The following DIPK1C variants were observed in gnomAD, a reference collection of about 807,000 sequenced individuals.
DIPK1C encodes the protein familial non-conventional Alzheimer's dementia.
DIPK1C carries 33 observed loss-of-function variants against 28.0 expected under a neutral mutation model. That is an observed-to-expected ratio of 1.18 (90% CI 0.89 to 1.58). The LOEUF is 1.58. Among genes scored for constraint, DIPK1C ranks in the 40% most tolerant of loss-of-function variants. DIPK1C has a pLI of 0.00. For synonymous variants in DIPK1C, 255 were observed against 248.8 expected (o/e 1.02, Z -0.23); for missense variants, 569 against 568.5 (o/e 1.00, Z -0.01).
chr18:74,436,576 T>A lies in DIPK1C; in HGVS notation c.1185A>T (p.Ala395=). The change falls in exon 4 of 4, where the codon GCA becomes GCT. Residue 395 remains alanine, a synonymous_variant. Coordinates refer to ENST00000343998, the MANE Select transcript of DIPK1C (RefSeq NM_001044369.3). ...GAAGCTTCCAGAACACGCTGGAGGCTGCTCTCCGGGTGTTCCCACTGGGGA... is the reference window on the plus strand; with the variant it reads ...GAAGCTTCCAGAACACGCTGGAGGCAGCTCTCCGGGTGTTCCCACTGGGGA... ...PGVPSGNTRR[A]ASSVFWKLRQ... 6.2e-7 allele frequency: 1 copy of A among 1,611,944 alleles called. No individual in the cohort carries two copies. The highest frequency in any genetic ancestry group is 8.5e-7 in the Non-Finnish European group (1 of 1,179,688).
Position 74,455,749 on chromosome 18 carries a change from A to G in DIPK1C, c.198+1313T>C, listed in dbSNP as rs564316525. On this transcript the variant is annotated intron_variant, in intron 1 of 3. Coordinates refer to ENST00000343998, the MANE Select transcript of DIPK1C (RefSeq NM_001044369.3). ...ATAAAAAAAAAAGAAAAAGAAAAAG[A>G]AAAAAAAAACCAAACCAACAACAAC... Among the ~76,000 whole-genome samples the G allele has an allele frequency of 6.1e-5, 9 of 147,672 alleles. 2 individuals carry two copies. In the South Asian group the frequency reaches 1.9e-3, roughly 31 times the overall value.
In DIPK1C at chr18:74,455,733, AAAG is replaced by A. The variant is rs1266046803; in HGVS notation, c.198+1326_198+1328del. Reference sequence around the variant, plus strand: ...ACAAGAGCAAAACTCCATAAAAAAAAAAGAAAAAGAAAAAGAAAAAAAAAACCA... The same window carrying A: ...ACAAGAGCAAAACTCCATAAAAAAAAAAAAAGAAAAAGAAAAAAAAAACCA... On this transcript the variant is annotated intron_variant, in intron 1 of 3. Transcript: ENST00000343998. Among the ~76,000 whole-genome samples, 17 of 140,694 alleles carry A rather than the reference AAAG, an allele frequency of 1.2e-4. 1 individual carries two copies. The East Asian group carries it at 3.3e-3, about 27-fold the overall frequency. The allele number at this position is 140,694 out of a possible 152,430, so 92.3% of individuals were successfully genotyped here.
Position 74,435,777 on chromosome 18 carries a change from C to T in DIPK1C, c.*724G>A, listed in dbSNP as rs1031756460. 1 of 152,320 alleles carries T rather than the reference C, an allele frequency of 6.6e-6. No individual in the cohort carries two copies. Among genetic ancestry groups the T allele is most frequent in the Non-Finnish European group, 1.5e-5 (1 of 68,038 alleles). 9.4% of individuals were successfully genotyped at this position (152,320 alleles called of 1,614,324 possible). ...ATTTAATTCCGAAAGAATGGTCACACTTCTTTGCTAGGTAGGCAAGATGTT... is the reference window on the plus strand; with the variant it reads ...ATTTAATTCCGAAAGAATGGTCACATTTCTTTGCTAGGTAGGCAAGATGTT... On this transcript the variant is annotated 3_prime_UTR_variant, in exon 4 of 4. Coordinates refer to ENST00000343998, the MANE Select transcript of DIPK1C (RefSeq NM_001044369.3).
At chr18:74,462,662 T>G (rs1292916808), upstream of DIPK1C, among the ~76,000 whole-genome samples, 1 of 150,340 alleles carries the variant, frequency 6.7e-6, no homozygotes, top group Non-Finnish European at 1.5e-5. Flanking sequence ...ATATATGTTT[T>G]GCTTAAAAAA....
chr18:74,457,563 CGGG>C (rs1187555909), upstream of DIPK1C, among the ~76,000 whole-genome samples: 1 of 152,148 alleles, frequency 6.6e-6, no homozygotes, highest in Non-Finnish European at 1.5e-5. Context: ...AAACGAAATC[CGGG>C]TAGATTCAAT....
At chr18:74,460,790 GCATT>G (rs962629729), upstream of DIPK1C, among the ~76,000 whole-genome samples, 11 of 152,282 alleles carry the variant, frequency 7.2e-5, no homozygotes, top group Admixed American at 2.0e-4. Context: ...ATTCATTCAT[GCATT>G]CATTCATTCA....
chr18:74,455,122 T>C lies in DIPK1C; in HGVS notation c.198+1940A>G, dbSNP rs532348442. 5.3e-5 allele frequency among the ~76,000 whole-genome samples: 8 copies of C among 152,308 alleles called. No homozygotes were observed. The East Asian group carries it at 1.5e-3, about 29-fold the overall frequency. On this transcript the variant is annotated intron_variant, in intron 1 of 3. Coordinates refer to ENST00000343998, the MANE Select transcript of DIPK1C (RefSeq NM_001044369.3). ...ATGTCTGACTAGAAATGATTCCATA[T>C]GGCTGCCATTGAAGATATATTGGTA...
chr18:74,452,513 G>A (rs942768738), intron 1 of DIPK1C, among the ~76,000 whole-genome samples: 1 of 152,026 alleles, frequency 6.6e-6, no homozygotes, highest in Non-Finnish European at 1.5e-5. Context: ...GGAAGCTGAG[G>A]CAGGAGGATC....
At chr18:74,453,381 G>A (rs1194416100) in intron 1 of DIPK1C, among the ~76,000 whole-genome samples, 7 of 152,206 alleles carry the variant, frequency 4.6e-5, no homozygotes, top group African/African-American at 4.8e-5. Context: ...CAGTTAGCTC[G>A]TCCACTGTGT....
Position 74,457,141 on chromosome 18 carries a change from G to A in DIPK1C, c.119C>T (p.Ala40Val), listed in dbSNP as rs1318147874. The A allele has an allele frequency of 6.3e-6, 9 of 1,429,838 alleles. No individual in the cohort carries two copies. The East Asian group carries it at 1.9e-4, about 29-fold the overall frequency. 88.6% of individuals were successfully genotyped at this position (1,429,838 alleles called of 1,614,324 possible). A position where few individuals can be genotyped will look rare whatever the true frequency, so the allele number is the denominator to read the frequency against. ...AWTAGWVLAA[A>V]LLLRAHPGVL... ...ACCCGGGTGCGCGCGGAGCAGCAGCGCGGCCGCCAGCACCCAGCCCGCGGT... is the reference window on the plus strand; with the variant it reads ...ACCCGGGTGCGCGCGGAGCAGCAGCACGGCCGCCAGCACCCAGCCCGCGGT... Residue 40 changes from alanine (A) to valine (V), a missense_variant, in exon 1 of 4, where the codon GCG becomes GTG. Physicochemically the swap from Ala to Val is moderately conservative, Grantham distance 64 (BLOSUM62 0). Transcript: ENST00000343998.
At chr18:74,457,613 A>G (rs1394731188), upstream of DIPK1C, among the ~76,000 whole-genome samples, 1 of 152,012 alleles carries the variant, frequency 6.6e-6, no homozygotes, top group East Asian at 1.9e-4. Context: ...TCAAGACTAC[A>G]TATCTTTAAT....
chr18:74,450,024 G>A (rs894710167), intron 1 of DIPK1C, among the ~76,000 whole-genome samples: 1 of 152,096 alleles, frequency 6.6e-6, no homozygotes, highest in South Asian at 2.1e-4. Flanking sequence ...AGGCTCCTCT[G>A]AGACCTTTCA....
Position 74,435,535 on chromosome 18 carries a change from C to G in DIPK1C, c.*966G>C, listed in dbSNP as rs994596046. On this transcript the variant is annotated 3_prime_UTR_variant, in exon 4 of 4. Transcript: ENST00000343998. Reference sequence around the variant, plus strand: ...GTCAATGCAGACCTCAGCATTTGCTCTACTTTAAATTTTCTCTGAAGGTGA... The same window carrying G: ...GTCAATGCAGACCTCAGCATTTGCTGTACTTTAAATTTTCTCTGAAGGTGA... 6.6e-6 allele frequency: 1 copy of G among 152,162 alleles called. No homozygotes were observed. Among genetic ancestry groups the G allele is most frequent in the African/African-American group, 2.4e-5 (1 of 41,426 alleles). 9.4% of individuals were successfully genotyped at this position (152,162 alleles called of 1,614,324 possible).
chr18:74,439,944 C>CTTT (rs11350643), intron 3 of DIPK1C, among the ~76,000 whole-genome samples: 1 of 129,636 alleles, frequency 7.7e-6, no homozygotes, highest in South Asian at 2.5e-4. Flanking sequence ...GGATCGTATA[C>CTTT]TTTTTTTTTT....
At chr18:74,441,117 C>T (rs573625992) in intron 3 of DIPK1C, among the ~76,000 whole-genome samples, 3 of 152,172 alleles carry the variant, frequency 2.0e-5, no homozygotes, top group Admixed American at 6.5e-5. Context: ...ACCTTACCTG[C>T]GTTTTGGGTC....
At chr18:74,441,745 C>T (rs754011919) in intron 3 of DIPK1C, among the ~76,000 whole-genome samples, 1 of 152,180 alleles carries the variant, frequency 6.6e-6, no homozygotes, top group African/African-American at 2.4e-5. Flanking sequence ...TCAGATGCCC[C>T]TGGTCGCCTG....
intron 1 of DIPK1C, among the ~76,000 whole-genome samples, chr18:74,451,968 CT>C (rs2144528107): frequency 6.6e-6 from 1 of 152,342 alleles, no homozygotes; most frequent in Non-Finnish European, 1.5e-5. Flanking sequence ...CCCAGCCTAC[CT>C]TAAACATGCT....
rs548526010 is a variant in DIPK1C, at chr18:74,455,534, T to C, written c.198+1528A>G. The stretch of plus-strand genomic sequence containing the variant: ...GGCCCGGTGTGGTGGTTCACGCCTG[T>C]AATCCTAGCACTTTGGAAGGCCGAA... On this transcript the variant is annotated intron_variant, in intron 1 of 3. Coordinates refer to ENST00000343998, the MANE Select transcript of DIPK1C (RefSeq NM_001044369.3). Among the ~76,000 whole-genome samples, 13 of 152,150 alleles carry C rather than the reference T, an allele frequency of 8.5e-5. No individual in the cohort carries two copies. In the East Asian group the frequency reaches 2.3e-3, roughly 27 times the overall value.
intron 2 of DIPK1C, among the ~76,000 whole-genome samples, chr18:74,442,422 G>A (rs569168223): frequency 8.5e-5 from 13 of 152,226 alleles, no homozygotes; most frequent in East Asian, 1.9e-4. Flanking sequence ...TCCGCCTTCC[G>A]GGTTCACGCC....
Sources: gnomAD v4.1 joint callset for allele counts (sites outside exome capture counted in the v4.1 genomes callset) on GRCh38, gnomAD v4.1.1 for gene constraint, MANE v1.5 for transcripts, NCBI Gene and HGNC (gene_info 2026-07-23, HGNC 2026-07-21) for gene names.